Variants in COL19A1 observed in about 807,000 individuals in gnomAD.
COL19A1 encodes the protein collagen alpha-1(XIX) chain.
A neutral mutation model predicts 190.2 loss-of-function variants in COL19A1; 159 were observed. The ratio of observed to expected loss-of-function variants is 0.84; its 90% CI spans 0.73 to 0.95. The LOEUF is 0.95. Ranked by LOEUF, COL19A1 falls within the 40% of genes least tolerant of loss-of-function variation. The pLI is 0.00. For synonymous variants in COL19A1, 509 were observed against 458.9 expected (o/e 1.11, Z -1.39); for missense variants, 1,418 against 1,431.9 (o/e 0.99, Z 0.16).
chr6:69,996,135 C>T (rs1776891194), intron 11 of COL19A1, among the ~76,000 whole-genome samples: 1 of 152,144 alleles, frequency 6.6e-6, no homozygotes, highest in South Asian at 2.1e-4. Flanking sequence ...TAATACAGTA[C>T]CTTACCTATA....
intron 11 of COL19A1, among the ~76,000 whole-genome samples, chr6:70,001,162 G>A (rs201418852): frequency 1.3e-4 from 20 of 151,938 alleles, no homozygotes; most frequent in East Asian, 7.7e-4. Flanking sequence ...CAAGTTTGTC[G>A]AAGATCAGAT....
chr6:69,976,677 G>A (rs1775732345), intron 11 of COL19A1, among the ~76,000 whole-genome samples: 1 of 152,170 alleles, frequency 6.6e-6, no homozygotes, highest in Non-Finnish European at 1.5e-5. Context: ...AAGGTTTAGA[G>A]TAAGAACAAA....
intron 1 of COL19A1, among the ~76,000 whole-genome samples, chr6:69,874,025 A>T (rs1490904467): frequency 6.6e-6 from 1 of 152,220 alleles, no homozygotes; most frequent in Non-Finnish European, 1.5e-5. Context: ...TCATTTGTAA[A>T]TCTATCTTGA....
At chr6:70,097,619 A>C (rs56072304) in intron 15 of COL19A1, among the ~76,000 whole-genome samples, 7,712 of 152,174 alleles carry the variant, frequency 0.051, 259 homozygotes, top group Non-Finnish European at 0.075. Flanking sequence ...CTGGGTTTAG[A>C]TCATTAGGCA....
chr6:70,065,861 C>G (rs1781160809), intron 14 of COL19A1, among the ~76,000 whole-genome samples: 2 of 152,176 alleles, frequency 1.3e-5, no homozygotes, highest in Non-Finnish European at 2.9e-5. Flanking sequence ...TGAAAAAATG[C>G]TCATCATCAC....
At chr6:69,958,160 G>A (rs1486142969) in intron 9 of COL19A1, among the ~76,000 whole-genome samples, 2 of 152,104 alleles carry the variant, frequency 1.3e-5, no homozygotes, top group South Asian at 2.1e-4. Flanking sequence ...AGGACTTTGG[G>A]TGCCAGTACC....
chr6:69,996,368 T>G (rs796215727), intron 11 of COL19A1, among the ~76,000 whole-genome samples: 29 of 152,318 alleles, frequency 1.9e-4, no homozygotes, highest in African/African-American at 7.0e-4. Flanking sequence ...TTGGCAGTTT[T>G]GAAAAGCTCT....
intron 48 of COL19A1, among the ~76,000 whole-genome samples, chr6:70,192,659 G>A (rs1354318547): frequency 6.6e-6 from 1 of 152,076 alleles, no homozygotes; most frequent in Non-Finnish European, 1.5e-5. Context: ...TATACCCATG[G>A]CTACATAATT....
chr6:70,116,355 G>A (rs540989577), intron 16 of COL19A1, among the ~76,000 whole-genome samples: 3 of 152,214 alleles, frequency 2.0e-5, no homozygotes, highest in Admixed American at 6.5e-5. Flanking sequence ...TGATTCTACC[G>A]AATTCAACAA....
At chr6:70,070,576 G>A (rs1781489194) in intron 15 of COL19A1, among the ~76,000 whole-genome samples, 1 of 152,052 alleles carries the variant, frequency 6.6e-6, no homozygotes, top group South Asian at 2.1e-4. Context: ...TATGCATTTG[G>A]ATTATATCCA....
intron 50 of COL19A1, 61 bp downstream of exon 50, chr6:70,207,039 C>A (rs1470518802): frequency 6.2e-7 from 1 of 1,604,524 alleles, no homozygotes; most frequent in Non-Finnish European, 8.5e-7. Flanking sequence ...CCATGCTTCT[C>A]CCCTAGGGTC....
At chr6:70,049,160 A>C (rs549176369) in intron 14 of COL19A1, among the ~76,000 whole-genome samples, 1 of 152,092 alleles carries the variant, frequency 6.6e-6, no homozygotes, top group Non-Finnish European at 1.5e-5. Context: ...AATTTGAATC[A>C]ACACTATTAG....
chr6:70,074,863 T>C (rs1458315103), intron 15 of COL19A1, among the ~76,000 whole-genome samples: 1 of 152,198 alleles, frequency 6.6e-6, no homozygotes, highest in Non-Finnish European at 1.5e-5. Context: ...CGATGACTGG[T>C]GTCCTTCCAC....
intron 18 of COL19A1, among the ~76,000 whole-genome samples, chr6:70,134,323 T>C (rs1325371122): frequency 2.0e-5 from 3 of 152,152 alleles, no homozygotes; most frequent in African/African-American, 7.2e-5. Context: ...TCTTATAATG[T>C]GGTAAGAATA....
chr6:69,872,634 A>T (rs1014883792), intron 1 of COL19A1, among the ~76,000 whole-genome samples: 2 of 152,238 alleles, frequency 1.3e-5, no homozygotes, highest in African/African-American at 4.8e-5. Flanking sequence ...GGTACCCAAA[A>T]TTATTCCATA....
At chr6:70,017,370 T>C (rs1472769080) in intron 11 of COL19A1, among the ~76,000 whole-genome samples, 2 of 152,154 alleles carry the variant, frequency 1.3e-5, no homozygotes, top group East Asian at 3.9e-4. Context: ...GAAACTTTTT[T>C]AGGTGATGGA....
At position 70,210,433 on chromosome 6, in the gene COL19A1, G is replaced by T. The variant is rs1768119513; in HGVS notation, c.*3159G>T. Among the ~76,000 whole-genome samples the T allele has an allele frequency of 1.3e-5, 2 of 152,134 alleles. No individual in the cohort carries two copies. The highest frequency in any genetic ancestry group is 4.1e-4 in the South Asian group (2 of 4,830). ...TTTAACCTTTTAAACTTTTCACTTT[G>T]TGAGCAAAGTAACCCCATAAGTTTA... On this transcript the variant is annotated 3_prime_UTR_variant, in exon 51 of 51. Coordinates refer to ENST00000620364, the MANE Select transcript of COL19A1 (RefSeq NM_001858.6).
intron 49 of COL19A1, among the ~76,000 whole-genome samples, chr6:70,204,541 T>C (rs1055752467): frequency 6.6e-6 from 1 of 152,234 alleles, no homozygotes; most frequent in African/African-American, 2.4e-5. Context: ...TGTTACCTTA[T>C]GCAAATACAC....
intron 15 of COL19A1, among the ~76,000 whole-genome samples, chr6:70,094,900 A>G (rs1294068498): frequency 6.6e-6 from 1 of 152,210 alleles, no homozygotes. Context: ...TCCTGGCTTC[A>G]TTTTTAAAAG....
Sources: gnomAD v4.1 joint callset for allele counts (sites outside exome capture counted in the v4.1 genomes callset) on GRCh38, gnomAD v4.1.1 for gene constraint, MANE v1.5 for transcripts, NCBI Gene and HGNC (gene_info 2026-07-23, HGNC 2026-07-21) for gene names.